Variants in SEZ6L observed in about 807,000 individuals in gnomAD.
SEZ6L encodes the protein seizure 6-like protein.
A neutral mutation model predicts 106.2 loss-of-function variants in SEZ6L; 37 were observed. That is an observed-to-expected ratio of 0.35 (90% CI 0.27 to 0.46). The LOEUF (loss-of-function observed/expected upper bound fraction) is 0.46, where lower values mean the gene tolerates loss of function less well. Ranked by LOEUF, SEZ6L falls within the 20% of genes least tolerant of loss-of-function variation. The pLI is 1.00. For synonymous variants in SEZ6L, 541 were observed against 570.4 expected (o/e 0.95, Z 0.73); for missense variants, 1,172 against 1,332.8 (o/e 0.88, Z 1.88).
intron 1 of SEZ6L, among the ~76,000 whole-genome samples, chr22:26,266,870 C>CAATG (rs1186624009): frequency 2.0e-5 from 3 of 151,990 alleles, no homozygotes; most frequent in African/African-American, 7.2e-5. Context: ...AAGGTGAAAG[C>CAATG]AATGAATGAA....
chr22:26,319,801 A>G lies in SEZ6L; in HGVS notation c.2015+5899A>G, dbSNP rs542260839. Among the ~76,000 whole-genome samples the G allele has an allele frequency of 9.2e-5, 14 of 152,366 alleles. No homozygotes were observed. The South Asian group carries it at 2.9e-3, about 32-fold the overall frequency. On this transcript the variant is annotated intron_variant, in intron 9 of 16. Coordinates refer to ENST00000248933, the MANE Select transcript of SEZ6L (RefSeq NM_021115.5). The stretch of plus-strand genomic sequence containing the variant: ...TTATTCACTGCCGTAACCCTAATAT[A>G]TAGACCAGTGCATGGCCCATAGTAG...
intron 13 of SEZ6L, among the ~76,000 whole-genome samples, chr22:26,367,732 T>A (rs2083869850): frequency 6.6e-6 from 1 of 152,124 alleles, no homozygotes; most frequent in African/African-American, 2.4e-5. Flanking sequence ...TTAGGAGTGT[T>A]CCTCCACTGC....
In SEZ6L at chr22:26,380,477, G is replaced by A; in HGVS notation, c.*182G>A. ...TATTATATTTAAAAGTGAAATAGGT[G>A]TGGGTTTGGATGTTTCGCGGCCTCA... On this transcript the variant is annotated 3_prime_UTR_variant, in exon 17 of 17. Transcript: ENST00000248933. The A allele has an allele frequency of 2.0e-6, 1 of 492,866 alleles. No homozygotes were observed. Among genetic ancestry groups the A allele is most frequent in the Admixed American group, 3.3e-5 (1 of 29,954 alleles). The allele number at this position is 492,866 out of a possible 1,614,324, so 30.5% of individuals were successfully genotyped here.
chr22:26,222,990 A>C lies in SEZ6L; in HGVS notation c.94+53227A>C, dbSNP rs991542143. Among the ~76,000 whole-genome samples the C allele has an allele frequency of 6.3e-3, 965 of 152,102 alleles. 10 individuals carry two copies. Among genetic ancestry groups the C allele is most frequent in the African/African-American group, 0.022 (904 of 41,502 alleles). ...GATGCATGGGACAGCCTCCCACAAA[A>C]AAAAAAAAAATTATCTGGCCCCAAA... On this transcript the variant is annotated intron_variant, in intron 1 of 16. Transcript: ENST00000248933.
intron 1 of SEZ6L, among the ~76,000 whole-genome samples, chr22:26,184,818 C>G (rs967295162): frequency 2.6e-5 from 4 of 152,160 alleles, no homozygotes; most frequent in African/African-American, 4.8e-5. Flanking sequence ...TGGTGGCTCA[C>G]GCCTGTAATC....
At chr22:26,197,405 G>T (rs906136715) in intron 1 of SEZ6L, among the ~76,000 whole-genome samples, 1 of 152,128 alleles carries the variant, frequency 6.6e-6, no homozygotes, top group Non-Finnish European at 1.5e-5. Context: ...GTGGGTTTTC[G>T]CAGGTTGGGG....
At chr22:26,223,881 T>A (rs777446122) in intron 1 of SEZ6L, among the ~76,000 whole-genome samples, 2 of 152,188 alleles carry the variant, frequency 1.3e-5, no homozygotes, top group Non-Finnish European at 2.9e-5. Context: ...ACTAGGCATT[T>A]GTAAAACAAA....
chr22:26,338,337 G>A (rs562475336), intron 9 of SEZ6L, among the ~76,000 whole-genome samples: 1 of 152,224 alleles, frequency 6.6e-6, no homozygotes, highest in Admixed American at 6.5e-5. Context: ...AATTCTTTCA[G>A]GAACCATGGT....
chr22:26,340,576 C>T lies in SEZ6L; in HGVS notation c.2156C>T (p.Ser719Leu), dbSNP rs1307352359. 14 of 1,614,044 alleles carry T rather than the reference C, an allele frequency of 8.7e-6. No homozygotes were observed. Among genetic ancestry groups the T allele is most frequent in the Admixed American group, 1.7e-5 (1 of 59,998 alleles). The change falls in exon 10 of 17, where the codon TCG (serine) becomes TTG (leucine). Residue 719 changes from serine (S) to leucine (L), a missense_variant. Ser to Leu is a moderately radical substitution (Grantham distance 145). This residue lies in a region of SEZ6L where 534 missense variants were observed against 691.0 expected (regional missense o/e 0.77). Coordinates refer to ENST00000248933, the MANE Select transcript of SEZ6L (RefSeq NM_021115.5). ...STPDLTIQFH[S>L]DPAGLIFGKG... ...CCAGACTTAACCATCCAGTTCCATTCGGACCCTGCTGGCCTCATCTTTGGA... is the reference window on the plus strand; with the variant it reads ...CCAGACTTAACCATCCAGTTCCATTTGGACCCTGCTGGCCTCATCTTTGGA...
At chr22:26,240,728 A>G (rs2079099541) in intron 1 of SEZ6L, among the ~76,000 whole-genome samples, 1 of 152,128 alleles carries the variant, frequency 6.6e-6, no homozygotes, top group African/African-American at 2.4e-5. Context: ...ATGGAAGAAA[A>G]AGGCCATAAA....
At chr22:26,171,725 G>A (rs1043278545) in intron 1 of SEZ6L, among the ~76,000 whole-genome samples, 4 of 152,132 alleles carry the variant, frequency 2.6e-5, no homozygotes, top group African/African-American at 9.7e-5. Flanking sequence ...CCAAATTAAA[G>A]TCAATTGATG....
chr22:26,360,834 C>A (rs2083592709), intron 12 of SEZ6L, among the ~76,000 whole-genome samples: 1 of 151,860 alleles, frequency 6.6e-6, no homozygotes, highest in South Asian at 2.1e-4. Flanking sequence ...GCTTCATACC[C>A]AGCTCCTAGC....
intron 1 of SEZ6L, among the ~76,000 whole-genome samples, chr22:26,266,895 T>C (rs2080208990): frequency 6.6e-6 from 1 of 152,100 alleles, no homozygotes; most frequent in Non-Finnish European, 1.5e-5. Flanking sequence ...TGCAAAGTGC[T>C]GCTGGAATAT....
intron 9 of SEZ6L, among the ~76,000 whole-genome samples, chr22:26,336,879 C>T (rs1020456370): frequency 1.3e-5 from 2 of 152,096 alleles, no homozygotes; most frequent in Non-Finnish European, 2.9e-5. Flanking sequence ...TGACATAAAT[C>T]ATCTGATGTC....
chr22:26,344,054 C>A (rs1220994385), intron 10 of SEZ6L, among the ~76,000 whole-genome samples: 1 of 152,122 alleles, frequency 6.6e-6, no homozygotes, highest in African/African-American at 2.4e-5. Flanking sequence ...AGATGTAACT[C>A]CCATTCAATG....
intron 1 of SEZ6L, among the ~76,000 whole-genome samples, chr22:26,247,814 C>A (rs959077151): frequency 1.3e-5 from 2 of 152,166 alleles, no homozygotes; most frequent in African/African-American, 4.8e-5. Flanking sequence ...TAGCGGAAAT[C>A]TCACATCTCA....
At chr22:26,180,523 C>T (rs1431682480) in intron 1 of SEZ6L, among the ~76,000 whole-genome samples, 3 of 152,180 alleles carry the variant, frequency 2.0e-5, no homozygotes, top group Non-Finnish European at 4.4e-5. Flanking sequence ...AGTGTTTGGA[C>T]ATAGAACACA....
intron 1 of SEZ6L, among the ~76,000 whole-genome samples, chr22:26,194,812 T>A (rs1940472632): frequency 6.6e-6 from 1 of 152,202 alleles, no homozygotes; most frequent in South Asian, 2.1e-4. Context: ...AGCTCCCACC[T>A]GGAGGGACTT....
At chr22:26,178,543 G>A (rs571897320) in intron 1 of SEZ6L, among the ~76,000 whole-genome samples, 1 of 152,302 alleles carries the variant, frequency 6.6e-6, no homozygotes, top group Admixed American at 6.5e-5. Context: ...AACAAGGTAG[G>A]TGGATACAGT....
Sources: allele counts gnomAD v4.1 joint callset (sites outside exome capture counted in the v4.1 genomes callset), GRCh38; gene constraint gnomAD v4.1.1; regional missense constraint gnomAD v4.1.1; transcripts MANE v1.5; gene names NCBI Gene and HGNC (gene_info 2026-07-23, HGNC 2026-07-21).